The following FMNL2 variants were observed in gnomAD, a reference collection of about 807,000 sequenced individuals.
The protein encoded by FMNL2 is formin like 2.
A neutral mutation model predicts 130.2 loss-of-function variants in FMNL2; 51 were observed. The ratio of observed to expected loss-of-function variants is 0.39; its 90% confidence interval spans 0.31 to 0.49. The LOEUF (loss-of-function observed/expected upper bound fraction) is 0.49, where lower values mean the gene tolerates loss of function less well. Ranked by LOEUF, FMNL2 falls within the 20% of genes least tolerant of loss-of-function variation. FMNL2 has a pLI of 0.85. For synonymous variants in FMNL2, 465 were observed against 467.1 expected (o/e 1.00, Z 0.06); for missense variants, 977 against 1,316.2 (o/e 0.74, Z 3.99).
intron 4 of FMNL2, among the ~76,000 whole-genome samples, chr2:152,554,238 C>T (rs1444049751): frequency 6.6e-6 from 1 of 152,090 alleles, no homozygotes; most frequent in Non-Finnish European, 1.5e-5. Context: ...GAACCCCTGT[C>T]TCTATAAAAA....
At chr2:152,528,681 G>A (rs774865892) in intron 2 of FMNL2, among the ~76,000 whole-genome samples, 1 of 152,158 alleles carries the variant, frequency 6.6e-6, no homozygotes, top group Admixed American at 6.6e-5. Context: ...CTGGTGGTTG[G>A]GGGAGGAGGT....
At chr2:152,635,379 G>A (rs551816270) in intron 21 of FMNL2, among the ~76,000 whole-genome samples, 16 of 152,270 alleles carry the variant, frequency 1.1e-4, no homozygotes, top group South Asian at 4.1e-4. Flanking sequence ...TTGATGTTGC[G>A]AGTTGTCTTC....
intron 1 of FMNL2, among the ~76,000 whole-genome samples, chr2:152,435,925 A>G (rs1687738571): frequency 6.6e-6 from 1 of 152,080 alleles, no homozygotes; most frequent in African/African-American, 2.4e-5. Flanking sequence ...TACTACCTTG[A>G]CCCAGCCTGG....
intron 1 of FMNL2, among the ~76,000 whole-genome samples, chr2:152,421,410 C>T (rs1212596684): frequency 2.6e-5 from 4 of 152,174 alleles, no homozygotes; most frequent in East Asian, 1.9e-4. Flanking sequence ...AACATGCAAC[C>T]GTGTTGGGAC....
At chr2:152,384,678 C>A (rs977333216) in intron 1 of FMNL2, among the ~76,000 whole-genome samples, 1 of 152,160 alleles carries the variant, frequency 6.6e-6, no homozygotes, top group Non-Finnish European at 1.5e-5. Context: ...CCCTTGAGTG[C>A]GCCTTCATCC....
At chr2:152,415,837 G>C (rs752981275) in intron 1 of FMNL2, among the ~76,000 whole-genome samples, 5 of 152,200 alleles carry the variant, frequency 3.3e-5, no homozygotes, top group Non-Finnish European at 7.3e-5. Context: ...GGACATGGTT[G>C]ATGTGAATTG....
intron 9 of FMNL2, among the ~76,000 whole-genome samples, chr2:152,591,788 AC>A (rs1239246259): frequency 1.9e-4 from 29 of 151,456 alleles, no homozygotes; most frequent in Admixed American, 1.9e-3. Flanking sequence ...CCTGGGCGAC[AC>A]AGCGAGAACC....
intron 1 of FMNL2, chr2:152,390,194 C>G (rs547328441): frequency 2.6e-5 from 35 of 1,361,924 alleles, no homozygotes; most frequent in Non-Finnish European, 3.6e-5. Flanking sequence ...ACCTGGTGGT[C>G]CCTTTCCGTG....
At chr2:152,501,852 G>A (rs1480899129) in intron 1 of FMNL2, among the ~76,000 whole-genome samples, 1 of 152,166 alleles carries the variant, frequency 6.6e-6, no homozygotes, top group Non-Finnish European at 1.5e-5. Context: ...ATTGGCAGAA[G>A]GTCCAGTGTA....
chr2:152,411,554 A>C (rs528747438), intron 1 of FMNL2, among the ~76,000 whole-genome samples: 1 of 152,312 alleles, frequency 6.6e-6, no homozygotes, highest in Non-Finnish European at 1.5e-5. Context: ...AAGTTAACCC[A>C]CTTTGGGCTA....
chr2:152,561,057 G>A, intron 6 of FMNL2, 22 bp downstream of exon 6: 1 of 1,566,522 alleles, frequency 6.4e-7, no homozygotes, highest in Admixed American at 1.8e-5. Flanking sequence ...TAATCAGGAG[G>A]CAACTTTGGC....
At chr2:152,604,486 C>T (rs1458004736) in intron 9 of FMNL2, among the ~76,000 whole-genome samples, 1 of 149,190 alleles carries the variant, frequency 6.7e-6, no homozygotes, top group African/African-American at 2.4e-5. Flanking sequence ...CTCAACCAAA[C>T]ATGAATCACG....
At chr2:152,373,027 G>A (rs1184390243) in intron 1 of FMNL2, among the ~76,000 whole-genome samples, 1 of 152,146 alleles carries the variant, frequency 6.6e-6, no homozygotes, top group African/African-American at 2.4e-5. Flanking sequence ...TCAGAGATCA[G>A]GGTTCTAGTT....
chr2:152,511,601 G>A (rs551644628), intron 1 of FMNL2, among the ~76,000 whole-genome samples: 10 of 152,238 alleles, frequency 6.6e-5, no homozygotes, highest in African/African-American at 2.4e-4. Flanking sequence ...TTCCTCCTTT[G>A]GTGATCCCCA....
chr2:152,409,351 T>G (rs1274968018), intron 1 of FMNL2, among the ~76,000 whole-genome samples: 1 of 152,192 alleles, frequency 6.6e-6, no homozygotes, highest in Non-Finnish European at 1.5e-5. Flanking sequence ...CAATGGTTTT[T>G]TTTGGTGAGG....
chr2:152,633,715 T>A, intron 21 of FMNL2, among the ~76,000 whole-genome samples: 1 of 152,240 alleles, frequency 6.6e-6, no homozygotes. Flanking sequence ...TTGCCTAAAT[T>A]AATTACACCT....
chr2:152,589,998 T>C (rs1460388905), intron 9 of FMNL2, among the ~76,000 whole-genome samples: 2 of 132,922 alleles, frequency 1.5e-5, no homozygotes, highest in African/African-American at 3.1e-5. Flanking sequence ...TATGTATATG[T>C]ATATATATAT....
intron 1 of FMNL2, among the ~76,000 whole-genome samples, chr2:152,398,289 A>AT (rs1685508397): frequency 6.6e-6 from 1 of 152,300 alleles, no homozygotes; most frequent in African/African-American, 2.4e-5. Context: ...AAGAGCACAG[A>AT]TTTTTTATAT....
rs1219528662 is a variant in FMNL2, at chr2:152,557,101, T to C, written c.360-1639T>C. ...AAGAAAAAATTCTTTTTACTATTTC[T>C]AAGCTTCTAATTACTAGTATTTAAA... On this transcript the variant is annotated intron_variant, in intron 4 of 25. Coordinates refer to ENST00000288670, the MANE Select transcript of FMNL2 (RefSeq NM_052905.4). Among the ~76,000 whole-genome samples, 6 of 152,198 alleles carry C rather than the reference T, an allele frequency of 3.9e-5. No homozygotes were observed. In the East Asian group the frequency reaches 1.2e-3, roughly 29 times the overall value.
Sources: gnomAD v4.1 joint callset for allele counts (sites outside exome capture counted in the v4.1 genomes callset) on GRCh38, gnomAD v4.1.1 for gene constraint, MANE v1.5 for transcripts, NCBI Gene and HGNC (gene_info 2026-07-23, HGNC 2026-07-21) for gene names.